ME1: variants seen among roughly 807,000 people sequenced by gnomAD.
ME1 encodes NADP-dependent malic enzyme.
A neutral mutation model predicts 66.4 loss-of-function variants in ME1; 74 were observed. The ratio of observed to expected loss-of-function variants is 1.11; its 90% CI spans 0.92 to 1.35. The LOEUF is 1.35. ME1 is among the 40% of genes most tolerant of loss of function. ME1 has a pLI of 0.00. For missense variants in ME1, 750 were observed against 694.1 expected (o/e 1.08, Z -0.90); for synonymous variants, 251 against 235.6 (o/e 1.07, Z -0.60).
intron 6 of ME1, among the ~76,000 whole-genome samples, chr6:83,262,025 A>AG (rs1277832467): frequency 2.4e-4 from 37 of 151,660 alleles, no homozygotes; most frequent in Middle Eastern, 6.8e-3. Context: ...AAAAAAAAAA[A>AG]AAAAAGAAAA....
At chr6:83,375,916 T>C (rs189889351) in intron 3 of ME1, among the ~76,000 whole-genome samples, 46 of 152,106 alleles carry the variant, frequency 3.0e-4, no homozygotes, top group African/African-American at 1.0e-3. Flanking sequence ...GTGTATGTTA[T>C]TTCTAAATGC....
chr6:83,353,087 T>C (rs535085654), intron 3 of ME1, among the ~76,000 whole-genome samples: 2 of 152,340 alleles, frequency 1.3e-5, no homozygotes, highest in African/African-American at 4.8e-5. Context: ...ATTTGTCTGG[T>C]AGAGTTTCCC....
intron 13 of ME1, 101 bp downstream of exon 13, chr6:83,216,397 C>T: frequency 1.2e-6 from 1 of 831,528 alleles, no homozygotes. Context: ...TAAGTTGATA[C>T]AGATATACAT....
At chr6:83,245,671 G>T (rs1310125103) in intron 7 of ME1, among the ~76,000 whole-genome samples, 2 of 152,184 alleles carry the variant, frequency 1.3e-5, no homozygotes, top group African/African-American at 4.8e-5. Flanking sequence ...GCATCCCAAA[G>T]TGCTGGGATT....
At chr6:83,288,045 T>C (rs1767429503) in intron 6 of ME1, among the ~76,000 whole-genome samples, 1 of 152,224 alleles carries the variant, frequency 6.6e-6, no homozygotes, top group African/African-American at 2.4e-5. Flanking sequence ...TTGTAGATTC[T>C]GGATATTAGC....
At chr6:83,363,826 C>A (rs1187941166) in intron 3 of ME1, among the ~76,000 whole-genome samples, 2 of 152,304 alleles carry the variant, frequency 1.3e-5, no homozygotes, top group East Asian at 3.9e-4. Context: ...TGCGCATCAG[C>A]ATTTAAGTAT....
chr6:83,275,175 A>C (rs1389088691), intron 6 of ME1, among the ~76,000 whole-genome samples: 1 of 151,898 alleles, frequency 6.6e-6, no homozygotes, highest in East Asian at 2.0e-4. Flanking sequence ...CTCTACTAAA[A>C]ATACAAAAAT....
intron 12 of ME1, among the ~76,000 whole-genome samples, chr6:83,222,810 G>C (rs1451619642): frequency 6.6e-6 from 1 of 152,160 alleles, no homozygotes; most frequent in Non-Finnish European, 1.5e-5. Flanking sequence ...TAACTTGTTA[G>C]CTTGCAAGTA....
chr6:83,383,922 T>A (rs896732874), intron 3 of ME1, among the ~76,000 whole-genome samples: 2 of 151,896 alleles, frequency 1.3e-5, no homozygotes, highest in Non-Finnish European at 2.9e-5. Flanking sequence ...TAAAATATTA[T>A]TACAAAATAT....
chr6:83,348,294 G>A (rs3778206), intron 4 of ME1, among the ~76,000 whole-genome samples: 72,318 of 151,946 alleles, frequency 0.48, 19,318 homozygotes, highest in African/African-American at 0.72. Context: ...CAAAGTCCTG[G>A]TACTTCTAAT....
intron 5 of ME1, among the ~76,000 whole-genome samples, chr6:83,325,910 C>G (rs1045809679): frequency 4.4e-5 from 6 of 137,128 alleles, no homozygotes; most frequent in Admixed American, 1.6e-4. Context: ...ATAGCCCAGA[C>G]AATCCTAAGC....
rs376162061 is a variant in ME1 at position 83,385,628 on chromosome 6, T to C, written c.362+12739A>G. Among the ~76,000 whole-genome samples the C allele has an allele frequency of 3.3e-5, 5 of 152,054 alleles. No homozygotes were observed. The East Asian group carries it at 9.7e-4, about 29-fold the overall frequency. On this transcript the variant is annotated intron_variant, in intron 3 of 13. Coordinates refer to ENST00000369705, the MANE Select transcript of ME1 (RefSeq NM_002395.6). ...AGATTTATACGTCTACGCACAAATT[T>C]AGACAACCCTTAGATCTTGATGTAA...
chr6:83,296,055 A>T (rs1767593577), intron 6 of ME1, among the ~76,000 whole-genome samples: 1 of 152,168 alleles, frequency 6.6e-6, no homozygotes, highest in African/African-American at 2.4e-5. Flanking sequence ...AAAGCCCAGG[A>T]ACTGAAAGAT....
intron 1 of ME1, among the ~76,000 whole-genome samples, chr6:83,414,455 TAAAA>T (rs1320457030): frequency 6.6e-6 from 1 of 152,246 alleles, no homozygotes; most frequent in Admixed American, 6.5e-5. Context: ...ACAATATATC[TAAAA>T]TATATTCAGC....
chr6:83,213,876 A>C (rs1789944944), intron 13 of ME1, among the ~76,000 whole-genome samples: 1 of 152,198 alleles, frequency 6.6e-6, no homozygotes, highest in Admixed American at 6.5e-5. Flanking sequence ...AATGTTAGAA[A>C]ATAAACAAAC....
At chr6:83,221,781 A>G (rs1211168711) in intron 12 of ME1, among the ~76,000 whole-genome samples, 1 of 152,178 alleles carries the variant, frequency 6.6e-6, no homozygotes, top group Non-Finnish European at 1.5e-5. Flanking sequence ...GTAACAAAAA[A>G]TGAATGCTAG....
At chr6:83,289,814 G>A (rs10455416) in intron 6 of ME1, among the ~76,000 whole-genome samples, 10,810 of 152,222 alleles carry the variant, frequency 0.071, 471 homozygotes, top group Admixed American at 0.098. Flanking sequence ...TTCAGAACCT[G>A]TTATTGGTCT....
chr6:83,229,660 G>C (rs903208981), intron 9 of ME1, among the ~76,000 whole-genome samples: 1 of 152,074 alleles, frequency 6.6e-6, no homozygotes, highest in Admixed American at 6.5e-5. Flanking sequence ...AGGTTTTAAG[G>C]GACTTGCTCA....
intron 9 of ME1, among the ~76,000 whole-genome samples, chr6:83,234,251 A>T (rs1056105479): frequency 6.6e-6 from 1 of 152,176 alleles, no homozygotes; most frequent in African/African-American, 2.4e-5. Flanking sequence ...TGGACTTTTG[A>T]ATATTTTATA....
Sources: gnomAD v4.1 joint callset for allele counts (sites outside exome capture counted in the v4.1 genomes callset) on GRCh38, gnomAD v4.1.1 for gene constraint, MANE v1.5 for transcripts, NCBI Gene and HGNC (gene_info 2026-07-23, HGNC 2026-07-21) for gene names.